The following GLRA2 variants were observed in gnomAD, a reference collection of about 807,000 sequenced individuals.
The protein encoded by GLRA2 is glycine receptor alpha 2.
Under a neutral mutation model 31.6 loss-of-function variants are expected in GLRA2, and 11 were observed. The ratio of observed to expected loss-of-function variants is 0.35; its 90% CI spans 0.22 to 0.58. The LOEUF is 0.58. Among genes scored for constraint, GLRA2 ranks in the 20% least tolerant of loss-of-function variants. GLRA2 has a pLI of 0.84. For synonymous variants in GLRA2, 132 were observed against 134.0 expected (o/e 0.99, Z 0.10); for missense variants, 212 against 351.8 (o/e 0.60, Z 3.18).
the GLRA2 span, among the ~76,000 whole-genome samples, chrX:14,494,595 A>G: frequency 9.0e-6 from 1 of 111,499 alleles, no homozygotes; most frequent in Admixed American, 9.6e-5. Flanking sequence ...TTTCTGAGAA[A>G]GCTGTTCAGT....
the GLRA2 span, among the ~76,000 whole-genome samples, chrX:14,513,656 A>G: frequency 8.9e-6 from 1 of 112,317 alleles, no homozygotes; most frequent in African/African-American, 3.2e-5. Context: ...CAACAACCAT[A>G]TGAAAAAATG....
At chrX:14,491,101 T>G in the GLRA2 span, among the ~76,000 whole-genome samples, 1 of 112,139 alleles carries the variant, frequency 8.9e-6, no homozygotes. Context: ...CCTGCTATTA[T>G]GGTCAGAAAA....
At chrX:14,490,563 A>T in the GLRA2 span, among the ~76,000 whole-genome samples, 4 of 112,589 alleles carry the variant, frequency 3.6e-5, no homozygotes, top group Non-Finnish European at 3.7e-5. Context: ...GCTCGGTTCC[A>T]TTCCACAGTT....
chrX:14,518,247 T>C, the GLRA2 span, among the ~76,000 whole-genome samples: 1 of 111,947 alleles, frequency 8.9e-6, no homozygotes, highest in Non-Finnish European at 1.9e-5. Flanking sequence ...TTTTACTTAG[T>C]TATAACCTTT....
intron 7 of GLRA2, among the ~76,000 whole-genome samples, chrX:14,624,270 A>G (rs2090560731): frequency 9.1e-6 from 1 of 110,298 alleles, no homozygotes; most frequent in Non-Finnish European, 1.9e-5. Context: ...CTAGTGGTCT[A>G]TCTGTTTTGT....
chrX:14,690,631 T>C, intron 7 of GLRA2, 79 bp from the exon 8 acceptor site: 1 of 706,611 alleles, frequency 1.4e-6, no homozygotes, highest in Non-Finnish European at 2.2e-6. Context: ...AAGAATCTGG[T>C]TTCCTGGCAG....
intron 7 of GLRA2, among the ~76,000 whole-genome samples, chrX:14,637,319 G>C (rs2090720575): frequency 8.9e-6 from 1 of 112,173 alleles, no homozygotes; most frequent in South Asian, 3.7e-4. Flanking sequence ...GTGGATGGTG[G>C]GGAACTATGG....
At chrX:14,662,063 G>T (rs1489672571) in intron 7 of GLRA2, among the ~76,000 whole-genome samples, 1 of 109,026 alleles carries the variant, frequency 9.2e-6, no homozygotes, top group Non-Finnish European at 1.9e-5. Context: ...TTAATTTCCA[G>T]CTCCTATTTA....
chrX:14,691,458 A>C (rs2091360530), intron 8 of GLRA2, among the ~76,000 whole-genome samples: 1 of 111,752 alleles, frequency 8.9e-6, no homozygotes, highest in South Asian at 3.7e-4. Flanking sequence ...CATTATCTCA[A>C]CTTAAACTTT....
At chrX:14,636,252 A>G (rs1464040641) in intron 7 of GLRA2, among the ~76,000 whole-genome samples, 1 of 112,024 alleles carries the variant, frequency 8.9e-6, no homozygotes. Flanking sequence ...TGGGCTGCCC[A>G]TAATGACTTC....
intron 7 of GLRA2, among the ~76,000 whole-genome samples, chrX:14,611,244 C>T (rs979537403): frequency 2.0e-4 from 23 of 112,980 alleles, no homozygotes; most frequent in African/African-American, 6.1e-4. Flanking sequence ...AGATGCTCCA[C>T]TGTGGTGATT....
chrX:14,679,884 C>G (rs1303380320), intron 7 of GLRA2, among the ~76,000 whole-genome samples: 2 of 111,712 alleles, frequency 1.8e-5, no homozygotes, highest in Admixed American at 1.9e-4. Context: ...CTCAGTAGAC[C>G]ATGGGATTCT....
intron 7 of GLRA2, among the ~76,000 whole-genome samples, chrX:14,653,762 A>G (rs1440593289): frequency 2.7e-5 from 3 of 112,611 alleles, no homozygotes; most frequent in Non-Finnish European, 5.6e-5. Context: ...ACAGCATCAC[A>G]TGATACAGAG....
chrX:14,450,047 G>A, the GLRA2 span, among the ~76,000 whole-genome samples: 275 of 111,829 alleles, frequency 2.5e-3, no homozygotes, highest in African/African-American at 8.6e-3. Flanking sequence ...GAAGGCTTGG[G>A]ACAAGTCTAG....
At chrX:14,489,270 G>C in the GLRA2 span, among the ~76,000 whole-genome samples, 13 of 111,103 alleles carry the variant, frequency 1.2e-4, no homozygotes, top group African/African-American at 4.3e-4. Flanking sequence ...GGTGATTTGG[G>C]GACTTTTCTG....
chrX:14,476,876 C>A, the GLRA2 span, among the ~76,000 whole-genome samples: 15 of 111,983 alleles, frequency 1.3e-4, no homozygotes, highest in Non-Finnish European at 2.4e-4. Flanking sequence ...ATTGCTTTTA[C>A]AAGAACCTCA....
chrX:14,708,143 T>G (rs2091657234), intron 8 of GLRA2, among the ~76,000 whole-genome samples: 1 of 111,567 alleles, frequency 9.0e-6, no homozygotes, highest in Admixed American at 9.5e-5. Flanking sequence ...AACTGAAACT[T>G]TGTATCCCTT....
intron 4 of GLRA2, among the ~76,000 whole-genome samples, chrX:14,600,039 AAAAAC>A (rs2090250449): frequency 9.0e-6 from 1 of 111,220 alleles, no homozygotes. Flanking sequence ...AGGAAATTAG[AAAAAC>A]AAAGAAGAAA....
At chrX:14,552,746 G>A (rs761982468) in intron 2 of GLRA2, among the ~76,000 whole-genome samples, 60 of 112,140 alleles carry the variant, frequency 5.4e-4, no homozygotes, top group African/African-American at 1.8e-3. Context: ...TTGCCTGAGG[G>A]TAGGAGAATG....
Sources: gnomAD v4.1 joint callset for allele counts (sites outside exome capture counted in the v4.1 genomes callset) on GRCh38, gnomAD v4.1.1 for gene constraint, MANE v1.5 for transcripts, NCBI Gene and HGNC (gene_info 2026-07-23, HGNC 2026-07-21) for gene names.